Variants in NFATC3 observed in about 807,000 individuals in gnomAD.
NFATC3 encodes nuclear factor of activated T cells 3, also known as nuclear factor of activated T-cells, cytoplasmic 3.
Under a neutral mutation model 98.6 loss-of-function variants are expected in NFATC3, and 46 were observed. The ratio of observed to expected loss-of-function variants is 0.47; its 90% CI spans 0.37 to 0.60. The LOEUF is 0.60. NFATC3 is among the 20% of genes least tolerant of loss of function. The pLI is 0.00. For missense variants in NFATC3, 1,256 were observed against 1,295.5 expected (o/e 0.97, Z 0.47); for synonymous variants, 512 against 472.2 (o/e 1.08, Z -1.09).
intron 1 of NFATC3, among the ~76,000 whole-genome samples, chr16:68,088,496 T>TATATATTTTATATATAATATATA: frequency 8.4e-6 from 1 of 119,064 alleles, no homozygotes; most frequent in East Asian, 2.4e-4. Context: ...ATAATATATA[T>TATATATTTTATATATAATATATA]TTTATATATT....
Position 68,102,301 on chromosome 16 carries a change from G to A in NFATC3, c.103+16517G>A, listed in dbSNP as rs149590544. ...GCAGGAGAATCGCTTGAACCCAGGA[G>A]GCAGAGGTTGCAGTGAGCCGAGATT... On this transcript the variant is annotated intron_variant, in intron 1 of 9. Coordinates refer to ENST00000346183, the MANE Select transcript of NFATC3 (RefSeq NM_173165.3). Among the ~76,000 whole-genome samples the A allele has an allele frequency of 7.9e-3, 1,179 of 149,510 alleles. 16 individuals carry two copies. Among genetic ancestry groups the A allele is most frequent in the African/African-American group, 0.027 (1,107 of 40,416 alleles).
Position 68,123,010 on chromosome 16 carries a change from G to A in NFATC3, c.1127G>A (p.Gly376Asp), listed in dbSNP as rs1360075910. 2.5e-6 allele frequency: 4 copies of A among 1,613,888 alleles called. No homozygotes were observed. Among genetic ancestry groups the A allele is most frequent in the Non-Finnish European group, 3.4e-6 (4 of 1,180,040 alleles). ...SPARETSIDD[G>D]LGSQYPLKKD... ...GCCCGGGAGACTTCAATAGATGATG[G>A]CCTTGGATCTCAGTATCCTTTAAAG... Residue 376 changes from glycine to aspartate, a missense_variant, in exon 2 of 10, where the codon GGC becomes GAC. Physicochemically the swap from Gly to Asp is moderately conservative, Grantham distance 94. This residue lies in a region of NFATC3 where 464 missense variants were observed against 465.7 expected (regional missense o/e 1.00). Transcript: ENST00000346183.
At chr16:68,216,069 G>C (rs932750756) in intron 9 of NFATC3, among the ~76,000 whole-genome samples, 4 of 152,116 alleles carry the variant, frequency 2.6e-5, no homozygotes, top group Non-Finnish European at 5.9e-5. Context: ...GATCTGGGGA[G>C]ACAAGTTGAT....
chr16:68,144,890 T>G (rs796613202), intron 3 of NFATC3, among the ~76,000 whole-genome samples: 6 of 152,232 alleles, frequency 3.9e-5, no homozygotes, highest in African/African-American at 1.4e-4. Flanking sequence ...ACTCTTGACC[T>G]CAGGTGATCC....
intron 1 of NFATC3, among the ~76,000 whole-genome samples, chr16:68,106,728 C>CT (rs1171250648): frequency 1.3e-3 from 191 of 146,904 alleles, no homozygotes; most frequent in South Asian, 0.012. Context: ...ACCCGGACGC[C>CT]TTTTTTTTTT....
At chr16:68,145,134 T>TC (rs1491190855) in intron 3 of NFATC3, among the ~76,000 whole-genome samples, 83 of 132,954 alleles carry the variant, frequency 6.2e-4, no homozygotes, top group South Asian at 1.6e-3. Context: ...TCTCTCTCTC[T>TC]TTTTTTTTTT....
Position 68,119,777 on chromosome 16 carries a change from A to G in NFATC3, c.104-2210A>G, listed in dbSNP as rs867484702. ...ATATCACTACCTGACATATTTTACT[A>G]GAATGTAAGCTCCATGAGGAGGGGA... On this transcript the variant is annotated intron_variant, in intron 1 of 9. Coordinates refer to ENST00000346183, the MANE Select transcript of NFATC3 (RefSeq NM_173165.3). Among the ~76,000 whole-genome samples the G allele has an allele frequency of 3.3e-5, 5 of 152,292 alleles. No individual in the cohort carries two copies. In the South Asian group the frequency reaches 1.0e-3, roughly 32 times the overall value.
intron 8 of NFATC3, among the ~76,000 whole-genome samples, chr16:68,185,610 T>G (rs891652971): frequency 6.6e-6 from 1 of 151,356 alleles, no homozygotes; most frequent in Non-Finnish European, 1.5e-5. Context: ...GCGCGGTGGC[T>G]CACACCTGTG....
chr16:68,103,860 C>A (rs1312675995), intron 1 of NFATC3, among the ~76,000 whole-genome samples: 1 of 152,152 alleles, frequency 6.6e-6, no homozygotes, highest in African/African-American at 2.4e-5. Context: ...CATAGATATT[C>A]GGGTTTATTT....
intron 3 of NFATC3, among the ~76,000 whole-genome samples, chr16:68,128,621 TA>T (rs1211061745): frequency 8.6e-5 from 13 of 151,538 alleles, no homozygotes; most frequent in South Asian, 2.1e-4. Context: ...AAAACATAAT[TA>T]AAAAAAATAA....
chr16:68,111,234 C>T (rs1361719672), intron 1 of NFATC3, among the ~76,000 whole-genome samples: 4 of 152,070 alleles, frequency 2.6e-5, no homozygotes, highest in Admixed American at 1.3e-4. Flanking sequence ...GTTAAGTCTC[C>T]CACTATTGTT....
At chr16:68,184,024 A>T (rs1257673328) in intron 8 of NFATC3, among the ~76,000 whole-genome samples, 1 of 151,730 alleles carries the variant, frequency 6.6e-6, no homozygotes, top group Non-Finnish European at 1.5e-5. Context: ...AAAAAAAAAA[A>T]AGAAATGAGC....
intron 4 of NFATC3, among the ~76,000 whole-genome samples, chr16:68,163,173 ATCTTT>A (rs2038979678): frequency 6.6e-6 from 1 of 152,040 alleles, no homozygotes; most frequent in Non-Finnish European, 1.5e-5. Flanking sequence ...CGATTTCTCA[ATCTTT>A]TCCCCACCTT....
At chr16:68,221,559 C>T in intron 9 of NFATC3, 2 of 1,146,524 alleles carry the variant, frequency 1.7e-6, no homozygotes, top group Non-Finnish European at 2.2e-6. Flanking sequence ...TATGTAAGCA[C>T]TAGGGATTCA....
At chr16:68,210,579 C>T (rs2041345137) in intron 9 of NFATC3, among the ~76,000 whole-genome samples, 1 of 152,028 alleles carries the variant, frequency 6.6e-6, no homozygotes, top group Non-Finnish European at 1.5e-5. Flanking sequence ...TTGCCCATGC[C>T]AGTCAGGAGT....
At chr16:68,090,339 A>ACG (rs2034642951) in intron 1 of NFATC3, among the ~76,000 whole-genome samples, 1 of 98,828 alleles carries the variant, frequency 1.0e-5, no homozygotes, top group African/African-American at 4.6e-5. Context: ...ACACACACAC[A>ACG]CGCACACACA....
At chr16:68,100,897 G>A (rs1325697758) in intron 1 of NFATC3, among the ~76,000 whole-genome samples, 1 of 144,616 alleles carries the variant, frequency 6.9e-6, no homozygotes, top group East Asian at 1.9e-4. Context: ...CTGTGTGTGT[G>A]TGTGTGTGGG....
At chr16:68,110,971 A>C (rs2035916132) in intron 1 of NFATC3, among the ~76,000 whole-genome samples, 1 of 152,038 alleles carries the variant, frequency 6.6e-6, no homozygotes, top group Non-Finnish European at 1.5e-5. Flanking sequence ...GGTTTGAGTG[A>C]GTTTCTTAAT....
intron 6 of NFATC3, among the ~76,000 whole-genome samples, chr16:68,177,575 T>C (rs967264070): frequency 4.8e-4 from 72 of 148,750 alleles, no homozygotes; most frequent in Middle Eastern, 3.2e-3. Flanking sequence ...GATTTCTATA[T>C]TTAACTTCTT....
Sources: gnomAD v4.1 joint callset for allele counts (sites outside exome capture counted in the v4.1 genomes callset) on GRCh38, gnomAD v4.1.1 for gene constraint, gnomAD v4.1.1 regional missense constraint, MANE v1.5 for transcripts, NCBI Gene and HGNC (gene_info 2026-07-23, HGNC 2026-07-21) for gene names.